TMBIM6: variants seen among roughly 807,000 people sequenced by gnomAD.
TMBIM6 encodes the protein bax inhibitor 1.
A neutral mutation model predicts 31.4 loss-of-function variants in TMBIM6; 13 were observed. The observed-to-expected ratio is 0.41, with a 90% CI of 0.27 to 0.66. The LOEUF (loss-of-function observed/expected upper bound fraction) is 0.66. Among genes scored for constraint, TMBIM6 ranks in the 30% least tolerant of loss-of-function variants. The pLI is 0.28. For missense variants in TMBIM6, 275 were observed against 289.5 expected (o/e 0.95, Z 0.36); for synonymous variants, 85 against 101.7 (o/e 0.84, Z 0.99).
chr12:49,743,521 CT>C (rs1945337543), intron 1 of TMBIM6: 1 of 152,080 alleles, frequency 6.6e-6, no homozygotes, highest in South Asian at 2.1e-4. Context: ...AGGTGTAATC[CT>C]TTCCTAAAGA....
chr12:49,755,828 T>C (rs899075169), intron 4 of TMBIM6, 73 bp downstream of exon 4: 48 of 1,415,622 alleles, frequency 3.4e-5, no homozygotes, highest in South Asian at 1.2e-4. Flanking sequence ...TTCCCCCCCC[T>C]TTTTTTTTCT....
intron 7 of TMBIM6, 147 bp from the exon 8 acceptor site, chr12:49,759,074 A>T: frequency 1.4e-6 from 1 of 691,860 alleles, no homozygotes; most frequent in Non-Finnish European, 2.5e-6. Flanking sequence ...AGTGGTCTTC[A>T]CCCTAGGCTG....
chr12:49,758,350 A>G, intron 5 of TMBIM6, 33 bp from the exon 6 acceptor site: 1 of 1,613,922 alleles, frequency 6.2e-7, no homozygotes, highest in Non-Finnish European at 8.5e-7. Flanking sequence ...GTATACCTGT[A>G]GCCCTTAATC....
chr12:49,760,090 C>A (rs1592732924), intron 8 of TMBIM6, among the ~76,000 whole-genome samples: 1 of 138,636 alleles, frequency 7.2e-6, no homozygotes, highest in South Asian at 2.3e-4. Context: ...CCAGCCTGGA[C>A]GACAGAGCGA....
At chr12:49,761,212 C>G (rs1445985695) in intron 8 of TMBIM6, among the ~76,000 whole-genome samples, 1 of 151,906 alleles carries the variant, frequency 6.6e-6, no homozygotes, top group African/African-American at 2.4e-5. Context: ...TGGACCTCTG[C>G]AGAGTTCAGA....
chr12:49,754,874 T>C (rs950453251), intron 3 of TMBIM6, among the ~76,000 whole-genome samples: 1 of 152,226 alleles, frequency 6.6e-6, no homozygotes, highest in South Asian at 2.1e-4. Context: ...CATCCAGAAA[T>C]AACTACTGTT....
chr12:49,763,194 G>C lies in TMBIM6; in HGVS notation c.*298G>C, dbSNP rs1945752987. On this transcript the variant is annotated 3_prime_UTR_variant, in exon 10 of 10. Coordinates refer to ENST00000267115, the MANE Select transcript of TMBIM6 (RefSeq NM_003217.3). ...ACGATGAGAAGTGGGACCAGCAGAG[G>C]GCGCCAACTTCAGGAGTCCGCTTTC... 6.7e-6 allele frequency: 2 copies of C among 300,554 alleles called. No homozygotes were observed. The highest frequency in any genetic ancestry group is 1.3e-5 in the Non-Finnish European group (2 of 157,294). The allele number at this position is 300,554 out of a possible 1,614,324, so 18.6% of individuals were successfully genotyped here. A position where few individuals can be genotyped will look rare whatever the true frequency, so the allele number is the denominator to read the frequency against.
chr12:49,759,237 G>A lies in TMBIM6; in HGVS notation c.530G>A (p.Gly177Glu), dbSNP rs1299804638. The change falls in exon 8 of 10, where the codon GGA becomes GAA. Residue 177 changes from glycine (G) to glutamate (E), a missense_variant. Coordinates refer to ENST00000267115, the MANE Select transcript of TMBIM6 (RefSeq NM_003217.3). ...ATTTGTTAGGCAAACCTGTATGTGGGACTGGTGGTCATGTGTGGCTTCGTC... is the reference window on the plus strand; with the variant it reads ...ATTTGTTAGGCAAACCTGTATGTGGAACTGGTGGTCATGTGTGGCTTCGTC... ...IWLFQANLYV[G>E]LVVMCGFVLF... 12 of 1,614,112 alleles carry A rather than the reference G, an allele frequency of 7.4e-6. No homozygotes were observed. Among genetic ancestry groups the A allele is most frequent in the South Asian group, 1.1e-5 (1 of 91,076 alleles).
intron 1 of TMBIM6, chr12:49,741,813 T>G (rs1294835615): frequency 8.1e-6 from 3 of 372,494 alleles, no homozygotes; most frequent in Non-Finnish European, 1.5e-5. Flanking sequence ...TGCGCAACAG[T>G]GCTGAAGCGG....
chr12:49,746,423 A>T (rs946455350), intron 1 of TMBIM6, among the ~76,000 whole-genome samples: 17 of 152,190 alleles, frequency 1.1e-4, no homozygotes, highest in African/African-American at 4.1e-4. Flanking sequence ...TGAGTACACC[A>T]GTAATAACAA....
intron 4 of TMBIM6, among the ~76,000 whole-genome samples, chr12:49,757,855 G>A (rs1368660284): frequency 6.6e-6 from 1 of 152,136 alleles, no homozygotes; most frequent in Non-Finnish European, 1.5e-5. Flanking sequence ...CTGGCCACGA[G>A]GCACTGTTTT....
chr12:49,755,802 A>G (rs374987220), intron 4 of TMBIM6, 47 bp downstream of exon 4: 2 of 1,577,334 alleles, frequency 1.3e-6, no homozygotes, highest in Admixed American at 1.9e-5. Flanking sequence ...CTATATTTTC[A>G]GTATCTCTTA....
intron 1 of TMBIM6, chr12:49,742,039 T>TC: frequency 1.3e-6 from 2 of 1,511,186 alleles, no homozygotes; most frequent in Non-Finnish European, 1.8e-6. Flanking sequence ...ACTCCACCCA[T>TC]CCGATTGCTG....
chr12:49,755,548 C>G (rs1211473314), intron 3 of TMBIM6, 87 bp from the exon 4 acceptor site: 2 of 1,513,912 alleles, frequency 1.3e-6, no homozygotes, highest in African/African-American at 2.8e-5. Flanking sequence ...GAAGTTCAGA[C>G]GAGTGTTTGA....
chr12:49,756,740 T>G (rs377724630), intron 4 of TMBIM6, among the ~76,000 whole-genome samples: 89 of 145,804 alleles, frequency 6.1e-4, no homozygotes, highest in African/African-American at 2.1e-3. Context: ...TTTTGTTTTT[T>G]TGTTTTTTTT....
At chr12:49,761,608 C>T (rs1234871757) in intron 8 of TMBIM6, 96 bp from the exon 9 acceptor site, 11 of 1,056,860 alleles carry the variant, frequency 1.0e-5, no homozygotes, top group African/African-American at 4.3e-5. Context: ...GAAGCTGGCT[C>T]GTGGGGGTAG....
At position 49,759,093 on chromosome 12, in the gene TMBIM6, G is replaced by A. The variant is rs918422014; in HGVS notation, c.514-128G>A. 37 of 794,138 alleles carry A rather than the reference G, an allele frequency of 4.7e-5. No individual in the cohort carries two copies. In the Admixed American group the frequency reaches 4.8e-4, roughly 10 times the overall value. 49.2% of individuals were successfully genotyped at this position (794,138 alleles called of 1,614,324 possible). A position where few individuals can be genotyped will look rare whatever the true frequency, so the allele number is the denominator to read the frequency against. ...GTCTTCACCCTAGGCTGCAGTTCTC[G>A]TGAATGGTAATGTTCATAGGGTTCA... On this transcript the variant is annotated intron_variant, in intron 7 of 9. Coordinates refer to ENST00000267115, the MANE Select transcript of TMBIM6 (RefSeq NM_003217.3).
chr12:49,757,591 G>T (rs1053645954), intron 4 of TMBIM6, among the ~76,000 whole-genome samples: 1 of 152,222 alleles, frequency 6.6e-6, no homozygotes, highest in African/African-American at 2.4e-5. Context: ...CTTGTTCTGA[G>T]TGACAGTCTA....
chr12:49,753,162 C>T (rs780989677), intron 3 of TMBIM6, 81 bp downstream of exon 3: 136 of 1,002,518 alleles, frequency 1.4e-4, no homozygotes, highest in Non-Finnish European at 2.0e-4. Context: ...GTCCAAGGGA[C>T]CCTGTTCCTC....
Sources: gnomAD v4.1 joint callset for allele counts (sites outside exome capture counted in the v4.1 genomes callset) on GRCh38, gnomAD v4.1.1 for gene constraint, MANE v1.5 for transcripts, NCBI Gene and HGNC (gene_info 2026-07-23, HGNC 2026-07-21) for gene names.